Variants in NOS1 observed in about 807,000 individuals in gnomAD.
NOS1 encodes the protein nitric oxide synthase 1.
A neutral mutation model predicts 164.5 loss-of-function variants in NOS1; 51 were observed. The ratio of observed to expected loss-of-function variants is 0.31; its 90% confidence interval spans 0.25 to 0.39. The LOEUF is 0.39. Ranked by LOEUF, NOS1 falls within the 10% of genes least tolerant of loss-of-function variation. The pLI, the probability that NOS1 is intolerant of heterozygous loss-of-function variation, is 1.00. For missense variants in NOS1, 1,362 were observed against 1,885.6 expected (o/e 0.72, Z 5.14); for synonymous variants, 719 against 745.8 (o/e 0.96, Z 0.59).
rs376394505 is a variant in NOS1, at chr12:117,330,950, G to A, written c.120C>T (p.Pro40=). The part of the protein sequence containing the change: ...FLVKERVSKP[P]VIISDLIRGG... ...CACGAATCAGGTCAGAGATGATCAC[G>A]GGCGGCTTACTGACCCGCTCCTTCA... Residue 40 remains proline (P), a synonymous_variant, in exon 2 of 29, where the codon CCC becomes CCT. Transcript: ENST00000317775. This position sits in a 1 kb window ranked among gnomAD's most constrained non-coding sequence, Gnocchi z 4.6. 76 of 1,614,032 alleles carry A rather than the reference G, an allele frequency of 4.7e-5. 2 individuals are homozygous for A. In the South Asian group the frequency reaches 6.7e-4, roughly 14 times the overall value.
At chr12:117,263,743 C>G (rs1308555107) in intron 13 of NOS1, 146 bp downstream of exon 13, 1 of 605,066 alleles carries the variant, frequency 1.7e-6, no homozygotes, top group African/African-American at 1.8e-5. Flanking sequence ...GACTCAGAGG[C>G]AAAGAAGGCC....
intron 7 of NOS1, among the ~76,000 whole-genome samples, chr12:117,283,056 A>ATATATTTTTT (rs1360367568): frequency 6.5e-5 from 6 of 92,954 alleles, no homozygotes; most frequent in African/African-American, 2.2e-4. Context: ...ATATATATAT[A>ATATATTTTTT]TTTTTTTTTT....
At chr12:117,301,128 C>T (rs556678465) in intron 3 of NOS1, among the ~76,000 whole-genome samples, 2 of 152,220 alleles carry the variant, frequency 1.3e-5, no homozygotes, top group African/African-American at 2.4e-5. Context: ...AGTGATCATA[C>T]TCAATTTCAT....
rs57047376 is a variant in NOS1 at position 117,256,284 on chromosome 12, G to GTTTTTTTTTTTT, written c.2531+2101_2531+2112dup. Among the ~76,000 whole-genome samples the GTTTTTTTTTTTT allele has an allele frequency of 5.8e-4, 69 of 118,442 alleles. 8 individuals are homozygous for GTTTTTTTTTTTT. Among genetic ancestry groups the GTTTTTTTTTTTT allele is most frequent in the African/African-American group, 2.1e-3 (54 of 26,148 alleles). 77.7% of individuals were successfully genotyped at this position (118,442 alleles called of 152,430 possible). Reference sequence around the variant, plus strand: ...CAAAGAAAATCAGAAGGGATTTTCTGTTTTTTTTTTTTGAGACGGAGTCTC... The same window carrying GTTTTTTTTTTTT: ...CAAAGAAAATCAGAAGGGATTTTCTGTTTTTTTTTTTTTTTTTTTTTTTTGAGACGGAGTCTC... On this transcript the variant is annotated intron_variant, in intron 16 of 28. Transcript: ENST00000317775.
chr12:117,327,508 C>G (rs1459232078), intron 2 of NOS1, among the ~76,000 whole-genome samples: 1 of 152,208 alleles, frequency 6.6e-6, no homozygotes, highest in Non-Finnish European at 1.5e-5. Flanking sequence ...AGTGGCAGCT[C>G]CCTGAGGCCC....
At chr12:117,283,926 A>C (rs1227961673) in intron 7 of NOS1, among the ~76,000 whole-genome samples, 1 of 150,904 alleles carries the variant, frequency 6.6e-6, no homozygotes, top group African/African-American at 2.4e-5. Flanking sequence ...CCTAATCTCG[A>C]CCAGGTCCGG....
intron 1 of NOS1, among the ~76,000 whole-genome samples, chr12:117,359,813 G>C (rs1385539472): frequency 6.9e-6 from 1 of 143,920 alleles, no homozygotes; most frequent in Non-Finnish European, 1.5e-5. Flanking sequence ...CCTACTGGTG[G>C]GGAAACCCTA....
At chr12:117,260,344 G>A in intron 14 of NOS1, 121 bp downstream of exon 14, 1 of 1,024,838 alleles carries the variant, frequency 9.8e-7, no homozygotes, top group Non-Finnish European at 1.4e-6. Flanking sequence ...GAGCTGATAG[G>A]CCCTGTCAGG....
intron 2 of NOS1, among the ~76,000 whole-genome samples, chr12:117,312,917 AATC>A (rs1020249873): frequency 1.3e-5 from 2 of 152,054 alleles, no homozygotes; most frequent in African/African-American, 2.4e-5. Context: ...CCACTACCAC[AATC>A]ATCACCATAG....
intron 9 of NOS1, among the ~76,000 whole-genome samples, chr12:117,273,388 C>G (rs1399820388): frequency 6.6e-6 from 1 of 152,092 alleles, no homozygotes; most frequent in Non-Finnish European, 1.5e-5. Flanking sequence ...CAGGCAGTGT[C>G]AGGAGCCTCA....
chr12:117,331,218 T>C lies in NOS1; in HGVS notation c.-149A>G, dbSNP rs1875531322. On this transcript the variant is annotated 5_prime_UTR_variant, in exon 2 of 29. Coordinates refer to ENST00000317775, the MANE Select transcript of NOS1 (RefSeq NM_000620.5). ...ACAAGGCTTCAGCCCTCTCTGTCTT[T>C]GACGTCAGCTCAGCGTCACCCACTC... The C allele has an allele frequency of 2.1e-5, 21 of 996,738 alleles. No homozygotes were observed. The highest frequency in any genetic ancestry group is 1.2e-4 in the South Asian group (7 of 60,484). 61.7% of individuals were successfully genotyped at this position (996,738 alleles called of 1,614,324 possible). A position where few individuals can be genotyped will look rare whatever the true frequency, so the allele number is the denominator to read the frequency against.
chr12:117,290,107 GCT>G (rs1566061112), intron 4 of NOS1, among the ~76,000 whole-genome samples, 189 bp downstream of exon 4: 1 of 152,186 alleles, frequency 6.6e-6, no homozygotes, highest in East Asian at 1.9e-4. Flanking sequence ...CAGTGCTCCT[GCT>G]CTGTCAGAGA....
chr12:117,247,136 C>T (rs750184564), intron 18 of NOS1, among the ~76,000 whole-genome samples: 3 of 152,010 alleles, frequency 2.0e-5, no homozygotes, highest in Non-Finnish European at 4.4e-5. Context: ...AACTCCTTGC[C>T]CATAATGTAG....
chr12:117,259,947 G>A (rs900268658), intron 14 of NOS1, among the ~76,000 whole-genome samples: 4 of 151,868 alleles, frequency 2.6e-5, no homozygotes, highest in South Asian at 2.1e-4. Context: ...GTGAAGCCCC[G>A]TCTCTACTAA....
intron 3 of NOS1, among the ~76,000 whole-genome samples, chr12:117,303,095 G>A (rs575456695): frequency 3.9e-5 from 6 of 152,136 alleles, no homozygotes; most frequent in Non-Finnish European, 8.8e-5. Flanking sequence ...GGCTGATTTA[G>A]AAGGCTTCCT....
intron 4 of NOS1, 74 bp downstream of exon 4, chr12:117,290,224 A>G: frequency 6.4e-7 from 1 of 1,567,942 alleles, no homozygotes; most frequent in East Asian, 2.3e-5. Context: ...CCCACAACAA[A>G]GACTTATCCG....
intron 13 of NOS1, among the ~76,000 whole-genome samples, chr12:117,263,575 CTATTATTATTAT>C (rs71099036): frequency 0.015 from 2,141 of 141,868 alleles, 35 homozygotes; most frequent in African/African-American, 0.038. Flanking sequence ...CAAGGTATTA[CTATTATTATTAT>C]TATTATTATT....
chr12:117,296,655 T>G (rs112594133), intron 3 of NOS1, among the ~76,000 whole-genome samples: 1 of 151,818 alleles, frequency 6.6e-6, no homozygotes, highest in Non-Finnish European at 1.5e-5. Context: ...CTTAATAAAC[T>G]CTTTATATAT....
intron 2 of NOS1, among the ~76,000 whole-genome samples, chr12:117,326,344 C>T (rs920454446): frequency 4.0e-5 from 6 of 150,170 alleles, no homozygotes; most frequent in Admixed American, 3.3e-4. Context: ...CGAGATCATA[C>T]CACTGCACTC....
Sources: gnomAD v4.1 joint callset for allele counts (sites outside exome capture counted in the v4.1 genomes callset) on GRCh38, gnomAD v4.1.1 for gene constraint, Gnocchi (gnomAD v3.1) non-coding constraint, MANE v1.5 for transcripts, NCBI Gene and HGNC (gene_info 2026-07-23, HGNC 2026-07-21) for gene names.